The following CTNNA2 variants were observed in gnomAD, a reference collection of about 807,000 sequenced individuals.
CTNNA2 encodes catenin alpha-2.
A neutral mutation model predicts 101.0 loss-of-function variants in CTNNA2; 42 were observed. The observed-to-expected ratio is 0.42, with a 90% confidence interval of 0.32 to 0.54. CTNNA2 has a LOEUF of 0.54. Ranked by LOEUF, CTNNA2 falls within the 20% of genes least tolerant of loss-of-function variation. CTNNA2 has a pLI of 0.14. For missense variants in CTNNA2, 871 were observed against 1,223.1 expected (o/e 0.71, Z 4.29); for synonymous variants, 450 against 456.4 (o/e 0.99, Z 0.18).
At chr2:79,300,640 C>G (rs756277388) in intron 2 of CTNNA2, among the ~76,000 whole-genome samples, 14 of 152,158 alleles carry the variant, frequency 9.2e-5, no homozygotes, top group Non-Finnish European at 1.6e-4. Flanking sequence ...AAGACTTTAA[C>G]TCCTAAATTT....
At chr2:80,051,759 A>G (rs987370770) in intron 7 of CTNNA2, among the ~76,000 whole-genome samples, 6 of 152,134 alleles carry the variant, frequency 3.9e-5, no homozygotes, top group African/African-American at 1.4e-4. Context: ...GAGGAAAATG[A>G]AAAGACAATG....
At position 80,528,023 on chromosome 2, in the gene CTNNA2, G is replaced by A. The variant is rs376722387; in HGVS notation, c.1291-16959G>A. 2.0e-5 allele frequency among the ~76,000 whole-genome samples: 3 copies of A among 152,156 alleles called. No homozygotes were observed. In the South Asian group the frequency reaches 6.2e-4, roughly 32 times the overall value. ...ATGAATAACAGAAATATGGAAGCTTGTAACTTGGTCTCCATTTTGCAGCAA... is the reference window on the plus strand; with the variant it reads ...ATGAATAACAGAAATATGGAAGCTTATAACTTGGTCTCCATTTTGCAGCAA... On this transcript the variant is annotated intron_variant, in intron 9 of 18. Coordinates refer to ENST00000402739, the MANE Select transcript of CTNNA2 (RefSeq NM_001282597.3).
intron 1 of CTNNA2, chr2:79,547,579 T>A (rs1336418338): frequency 1.3e-5 from 2 of 152,342 alleles, no homozygotes; most frequent in Non-Finnish European, 2.9e-5. Context: ...TTGTGAATTA[T>A]CTGATGCATA....
intron 1 of CTNNA2, among the ~76,000 whole-genome samples, chr2:79,593,741 A>G (rs1677010044): frequency 6.6e-6 from 1 of 151,998 alleles, no homozygotes; most frequent in Non-Finnish European, 1.5e-5. Context: ...GATACTTGTT[A>G]TTACTTCCTT....
chr2:79,884,643 T>C (rs1344785190), intron 6 of CTNNA2, among the ~76,000 whole-genome samples: 1 of 152,186 alleles, frequency 6.6e-6, no homozygotes, highest in Non-Finnish European at 1.5e-5. Flanking sequence ...AATGTTACCC[T>C]GGTATAGCAA....
At chr2:79,706,840 A>T (rs532442788) in intron 2 of CTNNA2, among the ~76,000 whole-genome samples, 1 of 152,040 alleles carries the variant, frequency 6.6e-6, no homozygotes, top group Non-Finnish European at 1.5e-5. Context: ...TTTCTTTCTT[A>T]CTTTATTTCT....
intron 2 of CTNNA2, among the ~76,000 whole-genome samples, chr2:79,658,264 A>AGTTT (rs1422883019): frequency 6.6e-6 from 1 of 151,998 alleles, no homozygotes; most frequent in African/African-American, 2.4e-5. Flanking sequence ...TAGCTTCAGT[A>AGTTT]GTTTACTTAA....
chr2:79,785,121 C>T (rs540474845), intron 3 of CTNNA2, among the ~76,000 whole-genome samples: 1 of 152,164 alleles, frequency 6.6e-6, no homozygotes, highest in Admixed American at 6.6e-5. Flanking sequence ...CTCTTTCTGC[C>T]ACCATGCTCT....
intron 3 of CTNNA2, among the ~76,000 whole-genome samples, chr2:79,836,995 T>G (rs1357026109): frequency 6.6e-6 from 1 of 152,192 alleles, no homozygotes; most frequent in Non-Finnish European, 1.5e-5. Flanking sequence ...GACCCCTGTT[T>G]CCAAGTAAGG....
At chr2:79,418,641 T>A (rs1459779403) in intron 4 of CTNNA2, among the ~76,000 whole-genome samples, 1 of 152,124 alleles carries the variant, frequency 6.6e-6, no homozygotes, top group African/African-American at 2.4e-5. Flanking sequence ...TCAGTATCTT[T>A]ATCCAGAGAA....
chr2:80,607,707 A>G (rs1698147895), intron 16 of CTNNA2, among the ~76,000 whole-genome samples: 1 of 151,936 alleles, frequency 6.6e-6, no homozygotes, highest in South Asian at 2.1e-4. Flanking sequence ...TGAATGATAC[A>G]TTTATTAGAG....
chr2:80,252,453 T>C (rs971066212), intron 7 of CTNNA2, among the ~76,000 whole-genome samples: 29 of 152,164 alleles, frequency 1.9e-4, no homozygotes, highest in Non-Finnish European at 3.7e-4. Flanking sequence ...AAATTCAAAG[T>C]TCTTGGCTCA....
chr2:80,241,028 G>A (rs1055016834), intron 7 of CTNNA2, among the ~76,000 whole-genome samples: 2 of 152,140 alleles, frequency 1.3e-5, no homozygotes, highest in Non-Finnish European at 2.9e-5. Context: ...GAAAAATGGG[G>A]AAGTTAGCAT....
At chr2:80,424,763 G>C (rs138279790) in intron 9 of CTNNA2, among the ~76,000 whole-genome samples, 384 of 152,252 alleles carry the variant, frequency 2.5e-3, no homozygotes, top group African/African-American at 8.8e-3. Flanking sequence ...TTAACACCAC[G>C]AGACTGAGTT....
intron 4 of CTNNA2, among the ~76,000 whole-genome samples, chr2:79,393,119 C>T (rs1399526054): frequency 6.6e-6 from 1 of 152,082 alleles, no homozygotes; most frequent in Non-Finnish European, 1.5e-5. Flanking sequence ...AAGAAAATTC[C>T]CCTTTAAGGT....
intron 7 of CTNNA2, among the ~76,000 whole-genome samples, chr2:80,174,949 C>T (rs1231916315): frequency 6.6e-6 from 1 of 151,910 alleles, no homozygotes; most frequent in Admixed American, 6.6e-5. Context: ...TCTAATATCA[C>T]CCTCACCTTC....
chr2:79,631,916 G>C (rs558542200), intron 1 of CTNNA2, among the ~76,000 whole-genome samples: 1 of 152,074 alleles, frequency 6.6e-6, no homozygotes. Flanking sequence ...TGGACTTATG[G>C]TTTATTCCTC....
chr2:79,549,684 T>A (rs1365185486), intron 1 of CTNNA2, among the ~76,000 whole-genome samples: 1 of 152,200 alleles, frequency 6.6e-6, no homozygotes. Flanking sequence ...CAGTTGGGAT[T>A]ACTACTTGGT....
chr2:79,705,241 A>T (rs1685277658), intron 2 of CTNNA2, among the ~76,000 whole-genome samples: 3 of 152,128 alleles, frequency 2.0e-5, no homozygotes, highest in African/African-American at 7.2e-5. Flanking sequence ...CCCTGGTTTC[A>T]CTTGTAGTGG....
Sources: allele counts gnomAD v4.1 joint callset (sites outside exome capture counted in the v4.1 genomes callset), GRCh38; gene constraint gnomAD v4.1.1; transcripts MANE v1.5; gene names NCBI Gene and HGNC (gene_info 2026-07-23, HGNC 2026-07-21).